PRIM2: variants seen among roughly 807,000 people sequenced by gnomAD.
PRIM2 encodes DNA primase large subunit.
PRIM2 carries 39 observed loss-of-function variants against 67.3 expected under a neutral mutation model. The observed-to-expected ratio is 0.58, with a 90% CI of 0.45 to 0.76. The LOEUF (loss-of-function observed/expected upper bound fraction) is 0.76, where lower values mean the gene tolerates loss of function less well. Ranked by LOEUF, PRIM2 falls within the 30% of genes least tolerant of loss-of-function variation. The probability of loss-of-function intolerance (pLI) is 0.00; values close to 1 mark genes in which losing one functional copy is unlikely to be tolerated. For missense variants in PRIM2, 398 were observed against 598.7 expected (o/e 0.66, Z 3.50); for synonymous variants, 143 against 198.7 (o/e 0.72, Z 2.36).
chr6:57,279,737 C>T, the PRIM2 span, among the ~76,000 whole-genome samples: 1 of 152,192 alleles, frequency 6.6e-6, no homozygotes, highest in Admixed American at 6.5e-5. Flanking sequence ...CACAGAGACC[C>T]TGTGCTCAAG....
intron 8 of PRIM2, among the ~76,000 whole-genome samples, chr6:57,524,604 G>A (rs1376859815): frequency 5.3e-5 from 8 of 152,106 alleles, no homozygotes; most frequent in African/African-American, 1.9e-4. Flanking sequence ...GGGAGGCTGA[G>A]GCAGGAGAAT....
intron 7 of PRIM2, chr6:57,497,533 T>C (rs1774031472): frequency 6.6e-6 from 1 of 152,138 alleles, no homozygotes; most frequent in South Asian, 2.1e-4. Context: ...CTTCATATCA[T>C]CCAGACCCCT....
At chr6:57,500,393 C>A (rs1362494748) in intron 7 of PRIM2, among the ~76,000 whole-genome samples, 1 of 152,128 alleles carries the variant, frequency 6.6e-6, no homozygotes, top group Non-Finnish European at 1.5e-5. Flanking sequence ...CGTGTATTTA[C>A]CTCTAGGAAT....
At chr6:57,335,729 CA>C (rs1349209057) in intron 5 of PRIM2, among the ~76,000 whole-genome samples, 3 of 152,128 alleles carry the variant, frequency 2.0e-5, no homozygotes, top group Non-Finnish European at 4.4e-5. Context: ...CATCAAAGAC[CA>C]AAAGTAGATA....
the PRIM2 span, among the ~76,000 whole-genome samples, chr6:57,239,151 C>CT: frequency 3.3e-5 from 5 of 151,972 alleles, no homozygotes; most frequent in African/African-American, 1.2e-4. Flanking sequence ...CCACCATACC[C>CT]GGCTAATTTT....
At chr6:57,612,296 G>A (rs1776681727) in intron 12 of PRIM2, among the ~76,000 whole-genome samples, 1 of 152,194 alleles carries the variant, frequency 6.6e-6, no homozygotes, top group African/African-American at 2.4e-5. Context: ...AGTGTTTATA[G>A]TGTAGGCATT....
At position 57,437,662 on chromosome 6, in the gene PRIM2, C is replaced by CTTT. The variant is rs11315818; in HGVS notation, c.693+55513_693+55515dup. Among the ~76,000 whole-genome samples the CTTT allele has an allele frequency of 1.3e-3, 169 of 128,332 alleles. 4 individuals carry two copies. In the East Asian group the frequency reaches 0.015, roughly 11 times the overall value. 84.2% of individuals were successfully genotyped at this position (128,332 alleles called of 152,430 possible). ...TAACAAAGATCCTTGGGAAGGATTC[C>CTTT]TTTTTTTTTTTTTTTTTTTTTAAGA... On this transcript the variant is annotated intron_variant, in intron 7 of 13. Transcript: ENST00000615550.
intron 5 of PRIM2, among the ~76,000 whole-genome samples, chr6:57,366,710 C>T (rs1769375381): frequency 6.6e-6 from 1 of 152,120 alleles, no homozygotes; most frequent in Admixed American, 6.6e-5. Context: ...TCCTTAGAAA[C>T]CTCTCATTCC....
the PRIM2 span, among the ~76,000 whole-genome samples, chr6:57,248,910 T>C: frequency 6.6e-6 from 1 of 152,258 alleles, no homozygotes; most frequent in African/African-American, 2.4e-5. Context: ...TTCCGTTTAA[T>C]ATCCTTAATG....
At chr6:57,624,769 T>C (rs1776917524) in intron 12 of PRIM2, among the ~76,000 whole-genome samples, 1 of 152,196 alleles carries the variant, frequency 6.6e-6, no homozygotes. Flanking sequence ...ATGGAGCTGA[T>C]ATTCCAGTGG....
At chr6:57,417,793 T>C (rs1452610500) in intron 7 of PRIM2, among the ~76,000 whole-genome samples, 1 of 152,226 alleles carries the variant, frequency 6.6e-6, no homozygotes, top group Non-Finnish European at 1.5e-5. Flanking sequence ...ATTGGAAAAA[T>C]GCAGCCCATT....
At chr6:57,264,975 A>G in the PRIM2 span, among the ~76,000 whole-genome samples, 1 of 152,166 alleles carries the variant, frequency 6.6e-6, no homozygotes, top group East Asian at 1.9e-4. Flanking sequence ...AGAGAATTGG[A>G]TTGTGATGTC....
intron 7 of PRIM2, among the ~76,000 whole-genome samples, chr6:57,442,192 C>T (rs1772221709): frequency 6.6e-6 from 1 of 152,036 alleles, no homozygotes; most frequent in Non-Finnish European, 1.5e-5. Context: ...GCTTCTCCAC[C>T]TAAGTGGAAA....
intron 5 of PRIM2, among the ~76,000 whole-genome samples, chr6:57,335,300 T>A (rs1411013901): frequency 6.6e-6 from 1 of 152,254 alleles, no homozygotes; most frequent in Non-Finnish European, 1.5e-5. Flanking sequence ...CGCCCGCCAT[T>A]GCCCAGGCTT....
At chr6:57,634,318 G>A (rs1406652847) in intron 13 of PRIM2, among the ~76,000 whole-genome samples, 58 of 152,140 alleles carry the variant, frequency 3.8e-4, no homozygotes, top group Non-Finnish European at 6.5e-4. Context: ...GTCTGTTGTG[G>A]GTCCTGTCCT....
At chr6:57,564,949 C>G (rs1278634109) in intron 10 of PRIM2, among the ~76,000 whole-genome samples, 4 of 152,296 alleles carry the variant, frequency 2.6e-5, no homozygotes, top group Admixed American at 2.6e-4. Flanking sequence ...GTTACTATCA[C>G]AAAAACAGGC....
chr6:57,642,434 T>C (rs1164946633), intron 13 of PRIM2, among the ~76,000 whole-genome samples: 18,881 of 125,080 alleles, frequency 0.15, 1,800 homozygotes, highest in Middle Eastern at 0.19. Context: ...AAATATTATA[T>C]CTTTTTTTTT....
the PRIM2 span, among the ~76,000 whole-genome samples, chr6:57,263,374 G>A: frequency 2.6e-5 from 4 of 152,208 alleles, no homozygotes; most frequent in Non-Finnish European, 4.4e-5. Context: ...TGTAGGGAGA[G>A]TCCTTCCTTG....
chr6:57,478,722 C>T (rs1405088677), intron 7 of PRIM2, among the ~76,000 whole-genome samples: 13 of 152,126 alleles, frequency 8.5e-5, no homozygotes, highest in African/African-American at 3.1e-4. Flanking sequence ...GTACTGTGTT[C>T]CCTTAGACAA....
Sources: allele counts gnomAD v4.1 joint callset (sites outside exome capture counted in the v4.1 genomes callset), GRCh38; gene constraint gnomAD v4.1.1; transcripts MANE v1.5; gene names NCBI Gene and HGNC (gene_info 2026-07-23, HGNC 2026-07-21).